Variants in SMAP1 observed in about 807,000 individuals in gnomAD.
SMAP1 encodes the protein stromal membrane-associated protein 1.
Under a neutral mutation model 58.5 loss-of-function variants are expected in SMAP1, and 24 were observed. The ratio of observed to expected loss-of-function variants is 0.41; its 90% CI spans 0.30 to 0.58. The LOEUF (loss-of-function observed/expected upper bound fraction) is 0.58, where lower values mean the gene tolerates loss of function less well. SMAP1 is among the 20% of genes least tolerant of loss of function. The pLI is 0.29. For synonymous variants in SMAP1, 216 were observed against 196.6 expected (o/e 1.10, Z -0.82); for missense variants, 563 against 566.3 (o/e 0.99, Z 0.06).
chr6:70,857,642 T>G, intron 9 of SMAP1: 1 of 421,934 alleles, frequency 2.4e-6, no homozygotes. Context: ...TCATGCTACA[T>G]AGTTTGGTCT....
intron 1 of SMAP1, among the ~76,000 whole-genome samples, chr6:70,713,105 A>T (rs13199396): frequency 0.02 from 3,018 of 152,022 alleles, 48 homozygotes; most frequent in Non-Finnish European, 0.027. Flanking sequence ...TGATTTTTTT[A>T]TATTTCAGAG....
chr6:70,677,962 T>TA (rs1339303578), intron 1 of SMAP1, among the ~76,000 whole-genome samples: 3 of 152,200 alleles, frequency 2.0e-5, no homozygotes, highest in Non-Finnish European at 4.4e-5. Flanking sequence ...GGCATTTAGT[T>TA]ACTCAGATGT....
intron 8 of SMAP1, among the ~76,000 whole-genome samples, chr6:70,852,940 C>T (rs555588564): frequency 6.6e-6 from 1 of 152,132 alleles, no homozygotes; most frequent in African/African-American, 2.4e-5. Flanking sequence ...GTATAGCCCA[C>T]AAAACCTAAA....
intron 3 of SMAP1, among the ~76,000 whole-genome samples, chr6:70,763,520 GAA>G (rs2149899301): frequency 6.6e-6 from 1 of 152,218 alleles, no homozygotes; most frequent in East Asian, 1.9e-4. Flanking sequence ...TCTAGTAAAA[GAA>G]AGAGTCTCAC....
At chr6:70,719,566 C>T (rs1192331618) in intron 1 of SMAP1, among the ~76,000 whole-genome samples, 2 of 152,150 alleles carry the variant, frequency 1.3e-5, no homozygotes, top group African/African-American at 4.8e-5. Flanking sequence ...CTGAATATTT[C>T]AGCGTTTGTC....
intron 1 of SMAP1, among the ~76,000 whole-genome samples, chr6:70,729,658 C>G (rs1765348039): frequency 6.6e-6 from 1 of 152,128 alleles, no homozygotes. Context: ...GCAGAACTTG[C>G]ATTTTGGCCT....
At chr6:70,732,337 T>C in intron 1 of SMAP1, 41 bp from the exon 2 acceptor site, 2 of 1,575,930 alleles carry the variant, frequency 1.3e-6, no homozygotes, top group Non-Finnish European at 1.7e-6. Flanking sequence ...ATTTTTGTTT[T>C]TAACATTTGC....
chr6:70,714,535 G>C (rs943500654), intron 1 of SMAP1, among the ~76,000 whole-genome samples: 8 of 151,828 alleles, frequency 5.3e-5, no homozygotes, highest in African/African-American at 1.9e-4. Flanking sequence ...TAGATCTATT[G>C]TATTATGTAT....
Position 70,861,950 on chromosome 6 carries a change from C to CA in SMAP1, c.*1620dup, listed in dbSNP as rs1771752961. Reference sequence around the variant, plus strand: ...GCTTAAATACAGCTTTTGGATTGGACAAAATGACTTGAAGACTTACAGCAA... The same window carrying CA: ...GCTTAAATACAGCTTTTGGATTGGACAAAAATGACTTGAAGACTTACAGCAA... On this transcript the variant is annotated 3_prime_UTR_variant, in exon 11 of 11. Coordinates refer to ENST00000370455, the MANE Select transcript of SMAP1 (RefSeq NM_001044305.3). The CA allele has an allele frequency of 6.2e-7, 1 of 1,607,398 alleles. No individual in the cohort carries two copies. The highest frequency in any genetic ancestry group is 1.4e-5 in the African/African-American group (1 of 74,020).
At chr6:70,850,925 G>A (rs1476222927) in intron 7 of SMAP1, among the ~76,000 whole-genome samples, 1 of 151,934 alleles carries the variant, frequency 6.6e-6, no homozygotes, top group Non-Finnish European at 1.5e-5. Context: ...CATTTGAAAG[G>A]GTTAGAAATG....
chr6:70,740,435 G>A (rs6917896), intron 2 of SMAP1, among the ~76,000 whole-genome samples: 176 of 149,628 alleles, frequency 1.2e-3, no homozygotes, highest in African/African-American at 4.0e-3. Context: ...GCATGTGCCT[G>A]TAGTCCCAGC....
chr6:70,747,314 G>A (rs1280007692), intron 2 of SMAP1, among the ~76,000 whole-genome samples: 1 of 152,174 alleles, frequency 6.6e-6, no homozygotes, highest in Non-Finnish European at 1.5e-5. Context: ...ACCACAATGT[G>A]CTGAGGGCCT....
chr6:70,759,466 C>T (rs1285051183), intron 3 of SMAP1, among the ~76,000 whole-genome samples: 1 of 151,788 alleles, frequency 6.6e-6, no homozygotes, highest in Non-Finnish European at 1.5e-5. Flanking sequence ...TTATGTGTTA[C>T]CTATGCATGA....
At chr6:70,675,650 C>CAA (rs571061801) in intron 1 of SMAP1, among the ~76,000 whole-genome samples, 56 of 82,498 alleles carry the variant, frequency 6.8e-4, no homozygotes, top group African/African-American at 2.1e-3. Context: ...GACTCCATCT[C>CAA]AAAAAAAAAA....
At chr6:70,746,574 C>T (rs920159204) in intron 2 of SMAP1, among the ~76,000 whole-genome samples, 6 of 152,120 alleles carry the variant, frequency 3.9e-5, no homozygotes, top group Admixed American at 2.6e-4. Context: ...TTCGGTTTTC[C>T]AGTATCTTAT....
At chr6:70,854,906 C>A (rs557562316) in intron 8 of SMAP1, among the ~76,000 whole-genome samples, 1 of 152,152 alleles carries the variant, frequency 6.6e-6, no homozygotes, top group East Asian at 1.9e-4. Flanking sequence ...TTACCATCTG[C>A]CTTACCTGTC....
intron 1 of SMAP1, among the ~76,000 whole-genome samples, chr6:70,691,744 A>G (rs1422279966): frequency 2.0e-5 from 3 of 152,206 alleles, no homozygotes; most frequent in South Asian, 2.1e-4. Flanking sequence ...TTCACTTAAC[A>G]TAATATCCTC....
chr6:70,829,244 T>C (rs1340714937), intron 6 of SMAP1, among the ~76,000 whole-genome samples: 1 of 152,028 alleles, frequency 6.6e-6, no homozygotes, highest in Non-Finnish European at 1.5e-5. Context: ...ATTTTTTTTT[T>C]CTGTTTTTTT....
intron 7 of SMAP1, among the ~76,000 whole-genome samples, chr6:70,843,931 T>A (rs1374963988): frequency 6.6e-6 from 1 of 152,108 alleles, no homozygotes. Context: ...TGAAGGAATG[T>A]GTGGAGAAGG....
Sources: gnomAD v4.1 joint callset for allele counts (sites outside exome capture counted in the v4.1 genomes callset) on GRCh38, gnomAD v4.1.1 for gene constraint, MANE v1.5 for transcripts, NCBI Gene and HGNC (gene_info 2026-07-23, HGNC 2026-07-21) for gene names.